The following WWOX variants were observed in gnomAD, a reference collection of about 807,000 sequenced individuals.
WWOX encodes the protein WW domain-containing oxidoreductase.
In WWOX, 69 loss-of-function variants were observed where a neutral mutation model predicts 46.2. That is an observed-to-expected ratio of 1.49 (90% CI 1.23 to 1.82). WWOX has a LOEUF of 1.82. Among genes scored for constraint, WWOX ranks in the 40% most tolerant of loss-of-function variants. The probability of loss-of-function intolerance (pLI) is 0.00; values close to 1 mark genes in which losing one functional copy is unlikely to be tolerated. For missense variants in WWOX, 919 were observed against 542.6 expected, an observed-to-expected ratio of 1.69 and a Z score of -6.89; for synonymous variants, 359 against 202.6, an observed-to-expected ratio of 1.77 and a Z score of -6.56.
At chr16:78,475,838 G>A (rs1245164887) in intron 8 of WWOX, among the ~76,000 whole-genome samples, 1 of 152,026 alleles carries the variant, frequency 6.6e-6, no homozygotes, top group East Asian at 1.9e-4. Flanking sequence ...CAAATGATCT[G>A]CCCACCTCAA....
intron 5 of WWOX, among the ~76,000 whole-genome samples, chr16:78,313,157 A>G (rs1224152853): frequency 1.3e-5 from 2 of 152,224 alleles, no homozygotes; most frequent in Non-Finnish European, 2.9e-5. Context: ...CAGAAAGGGC[A>G]TGTGGTAGAC....
At chr16:78,874,785 C>T (rs556708452) in intron 8 of WWOX, among the ~76,000 whole-genome samples, 31 of 141,462 alleles carry the variant, frequency 2.2e-4, no homozygotes, top group African/African-American at 7.5e-4. Flanking sequence ...TAACCTCCTA[C>T]ACAGGCCTTC....
chr16:78,608,020 C>T (rs192483632), intron 8 of WWOX, among the ~76,000 whole-genome samples: 2 of 152,016 alleles, frequency 1.3e-5, no homozygotes, highest in Admixed American at 6.5e-5. Flanking sequence ...ACTAGTCAAC[C>T]GCAACACAAA....
intron 8 of WWOX, among the ~76,000 whole-genome samples, chr16:79,195,496 C>G (rs2051221832): frequency 6.6e-6 from 1 of 152,096 alleles, no homozygotes; most frequent in Non-Finnish European, 1.5e-5. Flanking sequence ...AGCCTAGCAT[C>G]TGAGGAAATG....
At chr16:79,082,364 A>G (rs1301053104) in intron 8 of WWOX, among the ~76,000 whole-genome samples, 3 of 152,166 alleles carry the variant, frequency 2.0e-5, no homozygotes, top group African/African-American at 7.2e-5. Context: ...TGTAAGACAC[A>G]GATAATACCA....
chr16:78,700,746 G>T (rs1442820284), intron 8 of WWOX, among the ~76,000 whole-genome samples: 1 of 152,194 alleles, frequency 6.6e-6, no homozygotes, highest in Non-Finnish European at 1.5e-5. Context: ...CTAGAACCAG[G>T]GATTGGAGGA....
rs117074882 is a variant in WWOX, at chr16:79,083,950, A to G, written c.1057-127658A>G. ...GAGGTCGTGCTTTGCATTTTCATAGAAAGAATTTCTGACTCCCGATCGGAG... is the reference window on the plus strand; with the variant it reads ...GAGGTCGTGCTTTGCATTTTCATAGGAAGAATTTCTGACTCCCGATCGGAG... On this transcript the variant is annotated intron_variant, in intron 8 of 8. Coordinates refer to ENST00000566780, the MANE Select transcript of WWOX (RefSeq NM_016373.4). Among the ~76,000 whole-genome samples, 44 of 152,306 alleles carry G rather than the reference A, an allele frequency of 2.9e-4. No individual in the cohort carries two copies. The East Asian group carries it at 7.5e-3, about 26-fold the overall frequency.
In WWOX at chr16:78,697,810, G is replaced by A. The variant is rs76381568; in HGVS notation, c.1056+265058G>A. On this transcript the variant is annotated intron_variant, in intron 8 of 8. Coordinates refer to ENST00000566780, the MANE Select transcript of WWOX (RefSeq NM_016373.4). ...GGTATAGGGTTTAATCCCATCCTAA[G>A]TTGAGGAGCATCTGTATCTGTTTTG... Among the ~76,000 whole-genome samples the A allele has an allele frequency of 7.9e-3, 1,198 of 152,254 alleles. 22 individuals carry two copies. Among genetic ancestry groups the A allele is most frequent in the African/African-American group, 0.027 (1,122 of 41,548 alleles).
intron 8 of WWOX, among the ~76,000 whole-genome samples, chr16:79,130,794 G>C (rs777402242): frequency 6.6e-6 from 1 of 152,186 alleles, no homozygotes; most frequent in South Asian, 2.1e-4. Context: ...CTGTGATCAA[G>C]TACATATGCT....
chr16:78,310,796 T>C (rs970169961), intron 5 of WWOX, among the ~76,000 whole-genome samples: 12 of 152,198 alleles, frequency 7.9e-5, no homozygotes, highest in Admixed American at 7.2e-4. Flanking sequence ...TTCATCTCTT[T>C]TCAATGTTTT....
intron 5 of WWOX, chr16:78,355,495 G>C (rs543747643): frequency 2.6e-5 from 9 of 349,578 alleles, no homozygotes; most frequent in South Asian, 1.7e-4. Context: ...CCAGCTACTC[G>C]GGAGGCTGAG....
intron 5 of WWOX, among the ~76,000 whole-genome samples, chr16:78,285,912 C>T (rs1192770488): frequency 1.3e-5 from 2 of 152,188 alleles, no homozygotes; most frequent in Non-Finnish European, 2.9e-5. Context: ...CTCTTTATTA[C>T]TTCACCAGTT....
At chr16:79,022,344 C>CA (rs10654627) in intron 8 of WWOX, among the ~76,000 whole-genome samples, 3,147 of 70,746 alleles carry the variant, frequency 0.044, 119 homozygotes, top group African/African-American at 0.06. Context: ...CAATCTGTGG[C>CA]AAAAAAAAAA....
chr16:79,000,786 C>G (rs1296835386), intron 8 of WWOX, among the ~76,000 whole-genome samples: 1 of 152,184 alleles, frequency 6.6e-6, no homozygotes, highest in East Asian at 1.9e-4. Context: ...ATAATATACC[C>G]TCTAAAAGCC....
At chr16:78,224,563 A>G (rs539031615) in intron 5 of WWOX, among the ~76,000 whole-genome samples, 1 of 152,262 alleles carries the variant, frequency 6.6e-6, no homozygotes, top group South Asian at 2.1e-4. Flanking sequence ...TACTTAACCA[A>G]TCCCCTGTTG....
At chr16:78,900,190 C>G (rs971993226) in intron 8 of WWOX, among the ~76,000 whole-genome samples, 1 of 150,942 alleles carries the variant, frequency 6.6e-6, no homozygotes, top group East Asian at 2.0e-4. Context: ...AGGGTGTAAA[C>G]CTTCATGCAG....
chr16:78,980,684 G>T (rs910490296), intron 8 of WWOX, among the ~76,000 whole-genome samples: 3 of 152,094 alleles, frequency 2.0e-5, no homozygotes, highest in African/African-American at 7.2e-5. Flanking sequence ...ATCACAATCA[G>T]AACTTTGACC....
intron 8 of WWOX, among the ~76,000 whole-genome samples, chr16:78,882,154 A>G (rs976543539): frequency 7.9e-5 from 12 of 152,138 alleles, no homozygotes; most frequent in Non-Finnish European, 1.8e-4. Flanking sequence ...CTGACAATAA[A>G]TAGTTTTCTC....
chr16:78,263,110 C>A (rs1298888152), intron 5 of WWOX, among the ~76,000 whole-genome samples: 1 of 152,146 alleles, frequency 6.6e-6, no homozygotes, highest in Admixed American at 6.5e-5. Context: ...AAACATGGTG[C>A]GTGCCTGTAA....
Sources: gnomAD v4.1 joint callset for allele counts (sites outside exome capture counted in the v4.1 genomes callset) on GRCh38, gnomAD v4.1.1 for gene constraint, MANE v1.5 for transcripts, NCBI Gene and HGNC (gene_info 2026-07-23, HGNC 2026-07-21) for gene names.